Variants in NUP85 observed in about 807,000 individuals in gnomAD.
The protein encoded by NUP85 is nuclear pore complex protein Nup85.
In NUP85, 23 loss-of-function variants were observed where a neutral mutation model predicts 92.8. The observed-to-expected ratio is 0.25, with a 90% CI of 0.18 to 0.35. The LOEUF (loss-of-function observed/expected upper bound fraction) is 0.35, where lower values mean the gene tolerates loss of function less well. Among genes scored for constraint, NUP85 ranks in the 10% least tolerant of loss-of-function variants. The probability of loss-of-function intolerance (pLI) is 1.00; values close to 1 mark genes in which losing one functional copy is unlikely to be tolerated. For synonymous variants in NUP85, 314 were observed against 306.9 expected, an observed-to-expected ratio of 1.02 and a Z score of -0.24; for missense variants, 759 against 822.8, an observed-to-expected ratio of 0.92 and a Z score of 0.95.
intron 3 of NUP85, among the ~76,000 whole-genome samples, chr17:75,210,644 T>C (rs980456834): frequency 9.9e-5 from 15 of 152,228 alleles, no homozygotes; most frequent in Non-Finnish European, 1.6e-4. Context: ...AAATGAATCA[T>C]TCTGGACAAG....
chr17:75,235,295 C>G, intron 18 of NUP85, 94 bp downstream of exon 18: 1 of 853,680 alleles, frequency 1.2e-6, no homozygotes, highest in East Asian at 2.5e-5. Flanking sequence ...ACACTGGCTC[C>G]TATGGACACA....
intron 16 of NUP85, among the ~76,000 whole-genome samples, chr17:75,233,391 CTCTTTCTCTT>C (rs1329752748): frequency 4.9e-5 from 1 of 20,346 alleles, no homozygotes; most frequent in Admixed American, 1.1e-3. Flanking sequence ...CTCTTTCTTT[CTCTTTCTCTT>C]TCTCTTTCTT....
rs143619264 is a variant in NUP85, at chr17:75,209,913, A to G, written c.218A>G (p.Asn73Ser). Residue 73 changes from asparagine (N) to serine (S), a missense_variant, in exon 3 of 19, where the codon AAT becomes AGT. Coordinates refer to ENST00000245544, the MANE Select transcript of NUP85 (RefSeq NM_024844.5). Reference protein sequence around the residue: ...VYSQILRKLFNESHGIFLGLQ... With the variant: ...VYSQILRKLFSESHGIFLGLQ... ...TCTCAAATCTTGAGAAAACTCTTCA[A>G]TGAATCCCATGGAATCTTTCTGGGC... The G allele has an allele frequency of 5.4e-5, 86 of 1,586,988 alleles. No homozygotes were observed. The highest frequency in any genetic ancestry group is 6.8e-5 in the East Asian group (3 of 44,218).
intron 7 of NUP85, among the ~76,000 whole-genome samples, chr17:75,223,639 C>T (rs568397243): frequency 7.2e-5 from 11 of 152,232 alleles, no homozygotes; most frequent in African/African-American, 2.6e-4. Context: ...CCACCCGTCT[C>T]GGCCTCCCAA....
At chr17:75,213,910 C>T (rs950584305) in intron 5 of NUP85, among the ~76,000 whole-genome samples, 11 of 143,840 alleles carry the variant, frequency 7.6e-5, no homozygotes, top group African/African-American at 2.7e-4. Context: ...CTCTCTCTGT[C>T]GCCCAGGCTG....
At chr17:75,232,821 G>A (rs1214049604) in intron 14 of NUP85, 30 bp from the exon 15 acceptor site, 42 of 1,595,302 alleles carry the variant, frequency 2.6e-5, no homozygotes, top group Non-Finnish European at 3.4e-5. Flanking sequence ...TGGAGTGAAA[G>A]CCGTTTACCT....
chr17:75,223,732 A>G (rs761387744), intron 7 of NUP85, among the ~76,000 whole-genome samples: 1 of 152,136 alleles, frequency 6.6e-6, no homozygotes, highest in African/African-American at 2.4e-5. Flanking sequence ...TGAAACTTTT[A>G]TGAACCATTT....
At chr17:75,215,345 G>A (rs1053156688) in intron 5 of NUP85, among the ~76,000 whole-genome samples, 1 of 152,162 alleles carries the variant, frequency 6.6e-6, no homozygotes, top group Admixed American at 6.6e-5. Flanking sequence ...GAGTAGCTGA[G>A]ACTGCGGGGA....
chr17:75,226,961 T>G, intron 11 of NUP85: 1 of 262,014 alleles, frequency 3.8e-6, no homozygotes, highest in Non-Finnish European at 7.8e-6. Flanking sequence ...GTTCTATGAT[T>G]GCACTGAATC....
chr17:75,223,382 T>TTTATG (rs138898533), intron 7 of NUP85, among the ~76,000 whole-genome samples: 16 of 152,138 alleles, frequency 1.1e-4, no homozygotes, highest in Non-Finnish European at 2.1e-4. Flanking sequence ...GAGTGTATAT[T>TTTATG]TTATGTTATG....
rs1453945604 is a variant in NUP85 at position 75,215,751 on chromosome 17, T to C, written c.406-3T>C. The C allele has an allele frequency of 1.2e-6, 2 of 1,613,816 alleles. No homozygotes were observed. The highest frequency in any genetic ancestry group is 1.3e-5 in the African/African-American group (1 of 75,072). Reference sequence around the variant, plus strand: ...GTGAAACCTGTCCCCATTTCTTCCTTAGGTCTCCATTTTGTCAGCAATGGA... The same window carrying C: ...GTGAAACCTGTCCCCATTTCTTCCTCAGGTCTCCATTTTGTCAGCAATGGA... On this transcript the variant is annotated splice_polypyrimidine_tract_variant and splice_region_variant and intron_variant, in intron 5 of 18. Coordinates refer to ENST00000245544, the MANE Select transcript of NUP85 (RefSeq NM_024844.5).
intron 4 of NUP85, among the ~76,000 whole-genome samples, 163 bp downstream of exon 4, chr17:75,212,225 A>T (rs2075286450): frequency 3.9e-5 from 4 of 102,730 alleles, no homozygotes; most frequent in South Asian, 3.4e-4. Flanking sequence ...GTAATCATTT[A>T]GAGGTTTTTT....
chr17:75,235,122 C>T lies in NUP85; in HGVS notation c.1790C>T (p.Thr597Ile), dbSNP rs771716740. The T allele has an allele frequency of 7.4e-6, 12 of 1,614,116 alleles. No homozygotes were observed. In the Middle Eastern group the frequency reaches 4.9e-4, roughly 67 times the overall value. ...QKQVIFSAEQ[T>I]YELMRCLEDL... is the part of the protein sequence containing the mutation. ...TAGGTGATTTTCTCAGCAGAACAGA[C>T]TTATGAGTTGATGCGGTGTCTGGAG... Residue 597 changes from threonine to isoleucine, a missense_variant, in exon 18 of 19, where the codon ACT (threonine) becomes ATT (isoleucine). Coordinates refer to ENST00000245544, the MANE Select transcript of NUP85 (RefSeq NM_024844.5).
At chr17:75,235,346 CCTT>C (rs1185175161) in intron 18 of NUP85, 145 bp downstream of exon 18, 1 of 631,182 alleles carries the variant, frequency 1.6e-6, no homozygotes, top group Admixed American at 3.0e-5. Flanking sequence ...TCACACACCA[CCTT>C]CTTTTAGGAG....
chr17:75,211,586 A>G (rs1304653231), intron 3 of NUP85, among the ~76,000 whole-genome samples: 2 of 150,916 alleles, frequency 1.3e-5, no homozygotes, highest in East Asian at 2.0e-4. Flanking sequence ...TAGTAGAGAC[A>G]GGGTTTCACC....
Position 75,225,887 on chromosome 17 carries a change from G to A in NUP85, c.987+58G>A, listed in dbSNP as rs7223485. On this transcript the variant is annotated intron_variant, in intron 10 of 18. Transcript: ENST00000245544. The stretch of plus-strand genomic sequence containing the variant: ...TAGGAGTCCTGGGGGCGCCCTGATG[G>A]GTCATTCTCTTTGAATTCCTCCCTG... The A allele has an allele frequency of 1.4e-3, 2,266 of 1,606,776 alleles. 29 individuals are homozygous for A. The African/African-American group carries it at 0.026, about 18-fold the overall frequency.
chr17:75,227,643 GTT>G (rs549759496), intron 11 of NUP85, among the ~76,000 whole-genome samples: 1 of 139,948 alleles, frequency 7.1e-6, no homozygotes, highest in Non-Finnish European at 1.6e-5. Context: ...GCCCTGCCAA[GTT>G]TTTTTTTTTT....
intron 11 of NUP85, chr17:75,228,108 C>G: frequency 8.0e-6 from 6 of 750,524 alleles, no homozygotes; most frequent in Non-Finnish European, 9.7e-6. Flanking sequence ...TGTGTTATAA[C>G]AGTGAGTGAG....
chr17:75,215,887 A>C, intron 6 of NUP85, 64 bp downstream of exon 6: 1 of 1,350,608 alleles, frequency 7.4e-7, no homozygotes, highest in Non-Finnish European at 1.1e-6. Flanking sequence ...CTCTTTCCTC[A>C]TCTTTCCTGT....
Sources: allele counts gnomAD v4.1 joint callset (sites outside exome capture counted in the v4.1 genomes callset), GRCh38; gene constraint gnomAD v4.1.1; transcripts MANE v1.5; gene names NCBI Gene and HGNC (gene_info 2026-07-23, HGNC 2026-07-21).